OR9A4: variants seen among roughly 807,000 people sequenced by gnomAD.
OR9A4 encodes the protein olfactory receptor 9A4.
OR9A4 carries 16 observed loss-of-function variants against 17.1 expected under a neutral mutation model. The observed-to-expected ratio is 0.94, with a 90% CI of 0.64 to 1.43. The LOEUF (loss-of-function observed/expected upper bound fraction) is 1.43, where lower values mean the gene tolerates loss of function less well. OR9A4 is among the 40% of genes most tolerant of loss of function. OR9A4 has a pLI of 0.00. For missense variants in OR9A4, 392 were observed against 382.1 expected (o/e 1.03, Z -0.22); for synonymous variants, 167 against 143.3 (o/e 1.17, Z -1.18).
At position 141,919,938 on chromosome 7, in the gene OR9A4, A is replaced by C; in HGVS notation, c.*118A>C. 1 of 776,396 alleles carries C rather than the reference A, an allele frequency of 1.3e-6. No individual in the cohort carries two copies. Among genetic ancestry groups the C allele is most frequent in the Non-Finnish European group, 2.0e-6 (1 of 499,900 alleles). 48.1% of individuals were successfully genotyped at this position (776,396 alleles called of 1,614,324 possible). A position where few individuals can be genotyped will look rare whatever the true frequency, so the allele number is the denominator to read the frequency against. Reference sequence around the variant, plus strand: ...TTATTGCCATTATCAAATGATTTGCATGCAACAAAATACTTTTAAGTTACA... The same window carrying C: ...TTATTGCCATTATCAAATGATTTGCCTGCAACAAAATACTTTTAAGTTACA... On this transcript the variant is annotated 3_prime_UTR_variant, in exon 2 of 2. Coordinates refer to ENST00000641559, the MANE Select transcript of OR9A4 (RefSeq NM_001001656.3).
Position 141,919,269 on chromosome 7 carries a change from TACA to T in OR9A4, c.398_400del (p.Asn133del), listed in dbSNP as rs1802238892. On this transcript the variant is annotated inframe_deletion, in exon 2 of 2. Coordinates refer to ENST00000641559, the MANE Select transcript of OR9A4 (RefSeq NM_001001656.3). Reference sequence around the variant, plus strand: ...TGTGGCTGTCTGTAACCCTCTGAGGTACAACATCATTATGAACAGACACACCTG... The same window carrying T: ...TGTGGCTGTCTGTAACCCTCTGAGGTACATCATTATGAACAGACACACCTG... 3.1e-6 allele frequency: 5 copies of T among 1,614,146 alleles called. No individual in the cohort carries two copies. Among genetic ancestry groups the T allele is most frequent in the Non-Finnish European group, 4.2e-6 (5 of 1,180,036 alleles).
chr7:141,918,974 C>T lies in OR9A4; in HGVS notation c.99C>T (p.Phe33=), dbSNP rs955334289. ...HHILFAIFFF[F]YLVTLMGNTV... ...TCCTTTTTGCTATATTCTTCTTTTTCTACTTGGTGACATTAATGGGAAACA... is the reference window on the plus strand; with the variant it reads ...TCCTTTTTGCTATATTCTTCTTTTTTTACTTGGTGACATTAATGGGAAACA... Residue 33 remains phenylalanine, a synonymous_variant, in exon 2 of 2, where the codon TTC becomes TTT. Coordinates refer to ENST00000641559, the MANE Select transcript of OR9A4 (RefSeq NM_001001656.3). The T allele has an allele frequency of 2.5e-6, 4 of 1,614,090 alleles. No homozygotes were observed. The highest frequency in any genetic ancestry group is 1.3e-5 in the African/African-American group (1 of 74,964).
chr7:141,920,326 A>G lies in OR9A4; in HGVS notation c.*506A>G. The G allele has an allele frequency of 6.6e-6, 1 of 152,462 alleles. No individual in the cohort carries two copies. Among genetic ancestry groups the G allele is most frequent in the Non-Finnish European group, 1.5e-5 (1 of 68,220 alleles). The allele number at this position is 152,462 out of a possible 1,614,324, so 9.4% of individuals were successfully genotyped here. A position where few individuals can be genotyped will look rare whatever the true frequency, so the allele number is the denominator to read the frequency against. ...ATATTTCAATAAAGCTTTTGAAAAT[A>G]GTATATTAGATCATGAAGAAGTATT... On this transcript the variant is annotated 3_prime_UTR_variant, in exon 2 of 2. Transcript: ENST00000641559.
intron 1 of OR9A4, among the ~76,000 whole-genome samples, chr7:141,917,958 G>T (rs1802212444): frequency 6.6e-6 from 1 of 152,152 alleles, no homozygotes. Context: ...TCTTAAAATG[G>T]CTCTTACCTT....
Position 141,919,685 on chromosome 7 carries a change from C to T in OR9A4, c.810C>T (p.Tyr270=). Residue 270 remains tyrosine (Y), a synonymous_variant, in exon 2 of 2, where the codon TAC becomes TAT. Transcript: ENST00000641559. ...VKPKQTQAAD[Y]NWVVSLMVSV... is the part of the protein sequence containing the mutation. ...CCAAGCAAACGCAGGCAGCTGATTA[C>T]AATTGGGTAGTTTCCCTGATGGTTT... is the stretch of plus-strand genomic sequence containing the variant. 6.2e-7 allele frequency: 1 copy of T among 1,614,148 alleles called. No individual in the cohort carries two copies. The highest frequency in any genetic ancestry group is 8.5e-7 in the Non-Finnish European group (1 of 1,180,032).
chr7:141,916,762 GA>G (rs1246726994), intron 1 of OR9A4, 126 bp downstream of exon 1: 6 of 152,340 alleles, frequency 3.9e-5, no homozygotes, highest in African/African-American at 1.4e-4. Flanking sequence ...TGGACAGTGG[GA>G]GTTGCATAGA....
rs1802251030 is a variant in OR9A4 at position 141,919,719 on chromosome 7, A to G, written c.844A>G (p.Thr282Ala). The change falls in exon 2 of 2, where the codon ACT (threonine) becomes GCT (alanine). Residue 282 changes from threonine (T) to alanine (A), a missense_variant. Thr to Ala is a moderately conservative substitution (Grantham distance 58, BLOSUM62 0). Transcript: ENST00000641559. ...WVVSLMVSVV[T>A]PFLNPFIFTL... ...AGTTTCCCTGATGGTTTCAGTAGTA[A>G]CTCCTTTCCTCAATCCTTTCATCTT... 1 of 1,613,902 alleles carries G rather than the reference A, an allele frequency of 6.2e-7. No homozygotes were observed. Among genetic ancestry groups the G allele is most frequent in the Admixed American group, 1.7e-5 (1 of 59,976 alleles).
At chr7:141,916,935 G>T (rs1554438816) in intron 1 of OR9A4, among the ~76,000 whole-genome samples, 1 of 152,218 alleles carries the variant, frequency 6.6e-6, no homozygotes, top group Non-Finnish European at 1.5e-5. Flanking sequence ...TAGTAGGGGA[G>T]CTCCAGGGAG....
At chr7:141,917,347 G>C (rs1441429989) in intron 1 of OR9A4, among the ~76,000 whole-genome samples, 2 of 152,140 alleles carry the variant, frequency 1.3e-5, no homozygotes, top group African/African-American at 2.4e-5. Context: ...CCCATAAAGA[G>C]GAAACATTTG....
rs201598217 is a variant in OR9A4, at chr7:141,919,079, G to A, written c.204G>A (p.Leu68=). 2 of 1,614,094 alleles carry A rather than the reference G, an allele frequency of 1.2e-6. No individual in the cohort carries two copies. Among genetic ancestry groups the A allele is most frequent in the Non-Finnish European group, 1.7e-6 (2 of 1,180,002 alleles). ...TCTTCCTCGGCCACCTCTCTGCCCTGGAGATCCTGGTCACAACCATAATCG... is the reference window on the plus strand; with the variant it reads ...TCTTCCTCGGCCACCTCTCTGCCCTAGAGATCCTGGTCACAACCATAATCG... ...MYFFLGHLSA[L]EILVTTIIVP... Residue 68 remains leucine, a synonymous_variant, in exon 2 of 2, where the codon CTG becomes CTA. Transcript: ENST00000641559.
Position 141,919,085 on chromosome 7 carries a change from C to A in OR9A4, c.210C>A (p.Ile70=), listed in dbSNP as rs782801125. 1.2e-6 allele frequency: 2 copies of A among 1,614,120 alleles called. No individual in the cohort carries two copies. The highest frequency in any genetic ancestry group is 1.1e-5 in the South Asian group (1 of 91,072). Residue 70 remains isoleucine (I), a synonymous_variant, in exon 2 of 2, where the codon ATC becomes ATA. Transcript: ENST00000641559. ...TCGGCCACCTCTCTGCCCTGGAGAT[C>A]CTGGTCACAACCATAATCGTCCCCG... is the stretch of plus-strand genomic sequence containing the variant. ...FFLGHLSALE[I]LVTTIIVPVM... is the part of the protein sequence containing the mutation.
At position 141,918,966 on chromosome 7, in the gene OR9A4, T is replaced by G. The variant is rs1381459701; in HGVS notation, c.91T>G (p.Phe31Val). The G allele has an allele frequency of 1.2e-6, 2 of 1,614,044 alleles. No individual in the cohort carries two copies. The highest frequency in any genetic ancestry group is 1.7e-6 in the Non-Finnish European group (2 of 1,180,028). The change falls in exon 2 of 2, where the codon TTC (phenylalanine) becomes GTC (valine). Residue 31 changes from phenylalanine to valine, a missense_variant. Transcript: ENST00000641559. The part of the protein sequence containing the change: ...ELHHILFAIF[F>V]FFYLVTLMGN... The stretch of plus-strand genomic sequence containing the variant: ...ACATCATATCCTTTTTGCTATATTC[T>G]TCTTTTTCTACTTGGTGACATTAAT...
rs1802247750 is a variant in OR9A4, at chr7:141,919,582, A to T, written c.707A>T (p.Lys236Ile). 1 of 1,614,156 alleles carries T rather than the reference A, an allele frequency of 6.2e-7. No individual in the cohort carries two copies. The highest frequency in any genetic ancestry group is 1.3e-5 in the African/African-American group (1 of 75,024). The change falls in exon 2 of 2, where the codon AAA becomes ATA. Residue 236 changes from lysine to isoleucine, a missense_variant. Lys to Ile is a moderately radical substitution (Grantham distance 102, BLOSUM62 -3). Coordinates refer to ENST00000641559, the MANE Select transcript of OR9A4 (RefSeq NM_001001656.3). ...LKIPSSSGRR[K>I]SFSTCASHFT... ...ATCCCGTCATCCTCTGGCCGGAGGA[A>T]ATCCTTCTCCACTTGTGCCTCCCAC...
chr7:141,918,197 T>A (rs1330315789), intron 1 of OR9A4, among the ~76,000 whole-genome samples: 2 of 152,146 alleles, frequency 1.3e-5, no homozygotes, highest in East Asian at 3.9e-4. Context: ...AGTGGTGCGA[T>A]CTCAGCTCAA....
chr7:141,919,104 GT>G lies in OR9A4; in HGVS notation c.230del (p.Val77AlafsTer3), dbSNP rs756806841. The stretch of plus-strand genomic sequence containing the variant: ...GGAGATCCTGGTCACAACCATAATC[GT>G]CCCCGTGATGCTTTGGGGATTGCTG... ...ALEILVTTIIVPVMLWGLLLP... is the reference protein window; with the variant it reads ...ALEILVTTIIXPVMLWGLLLP... On this transcript the variant is annotated frameshift_variant, in exon 2 of 2. Coordinates refer to ENST00000641559, the MANE Select transcript of OR9A4 (RefSeq NM_001001656.3). LOFTEE classifies it high-confidence loss of function. 1 of 1,613,996 alleles carries G rather than the reference GT, an allele frequency of 6.2e-7. No individual in the cohort carries two copies. The highest frequency in any genetic ancestry group is 8.5e-7 in the Non-Finnish European group (1 of 1,179,958).
At chr7:141,918,665 G>A (rs1802224126) in intron 1 of OR9A4, among the ~76,000 whole-genome samples, 181 bp from the exon 2 acceptor site, 1 of 152,112 alleles carries the variant, frequency 6.6e-6, no homozygotes, top group South Asian at 2.1e-4. Flanking sequence ...TCATCTTCTT[G>A]AACATATACA....
In OR9A4 at chr7:141,919,669, C is replaced by G; in HGVS notation, c.794C>G (p.Thr265Arg). The G allele has an allele frequency of 6.2e-7, 1 of 1,614,140 alleles. No individual in the cohort carries two copies. Among genetic ancestry groups the G allele is most frequent in the African/African-American group, 1.3e-5 (1 of 75,030 alleles). Reference protein sequence around the residue: ...CLFLYVKPKQTQAADYNWVVS... With the variant: ...CLFLYVKPKQRQAADYNWVVS... The stretch of plus-strand genomic sequence containing the variant: ...TTTCTCTACGTGAAACCCAAGCAAA[C>G]GCAGGCAGCTGATTACAATTGGGTA... The change falls in exon 2 of 2, where the codon ACG becomes AGG. Residue 265 changes from threonine to arginine, a missense_variant. Transcript: ENST00000641559.
At position 141,919,860 on chromosome 7, in the gene OR9A4, T is replaced by C; in HGVS notation, c.*40T>C. On this transcript the variant is annotated 3_prime_UTR_variant, in exon 2 of 2. Transcript: ENST00000641559. Reference sequence around the variant, plus strand: ...CTTTTACATGGTAAAGCACTTAGTATGGATTCTAGAATAATCTGAAAAGAA... The same window carrying C: ...CTTTTACATGGTAAAGCACTTAGTACGGATTCTAGAATAATCTGAAAAGAA... 1 of 1,431,276 alleles carries C rather than the reference T, an allele frequency of 7.0e-7. No individual in the cohort carries two copies. Among genetic ancestry groups the C allele is most frequent in the Non-Finnish European group, 9.6e-7 (1 of 1,045,146 alleles). The allele number at this position is 1,431,276 out of a possible 1,614,324, so 88.7% of individuals were successfully genotyped here.
chr7:141,919,993 C>T lies in OR9A4; in HGVS notation c.*173C>T, dbSNP rs1802255217. On this transcript the variant is annotated 3_prime_UTR_variant, in exon 2 of 2. Transcript: ENST00000641559. Reference sequence around the variant, plus strand: ...CGGTTTTTAGTATGCTTAGTTGTTACTTGAAACTCAGTCTATTATTTTTAA... The same window carrying T: ...CGGTTTTTAGTATGCTTAGTTGTTATTTGAAACTCAGTCTATTATTTTTAA... The T allele has an allele frequency of 3.2e-5, 17 of 538,314 alleles. No individual in the cohort carries two copies. The South Asian group carries it at 3.7e-4, about 12-fold the overall frequency. 33.3% of individuals were successfully genotyped at this position (538,314 alleles called of 1,614,324 possible).
Sources: gnomAD v4.1 joint callset for allele counts (sites outside exome capture counted in the v4.1 genomes callset) on GRCh38, gnomAD v4.1.1 for gene constraint, MANE v1.5 for transcripts, NCBI Gene and HGNC (gene_info 2026-07-23, HGNC 2026-07-21) for gene names.